HDGFL3: variants seen among roughly 807,000 people sequenced by gnomAD.
HDGFL3 encodes HDGF like 3.
In HDGFL3, 6 loss-of-function variants were observed where a neutral mutation model predicts 27.6. That is an observed-to-expected ratio of 0.22 (90% confidence interval 0.12 to 0.43). The LOEUF is 0.43. HDGFL3 is among the 20% of genes least tolerant of loss of function. The probability of loss-of-function intolerance (pLI) is 1.00; values close to 1 mark genes in which losing one functional copy is unlikely to be tolerated. For synonymous variants in HDGFL3, 88 were observed against 88.9 expected (o/e 0.99, Z 0.05); for missense variants, 207 against 250.1 (o/e 0.83, Z 1.16).
In HDGFL3 at chr15:83,169,414, C is replaced by CAAAAAAAA. The variant is rs58159581; in HGVS notation, c.85-5347_85-5340dup. ...TGGGCGACAGAGCGAGACTCCGTCT[C>CAAAAAAAA]AAAAAAAAAAAAAAAAAAAAAAAAA... is the stretch of plus-strand genomic sequence containing the variant. On this transcript the variant is annotated intron_variant, in intron 1 of 5. Transcript: ENST00000299633. Among the ~76,000 whole-genome samples the CAAAAAAAA allele has an allele frequency of 6.5e-3, 231 of 35,594 alleles. 5 individuals carry two copies. Among genetic ancestry groups the CAAAAAAAA allele is most frequent in the South Asian group, 0.013 (6 of 446 alleles). 23.4% of individuals were successfully genotyped at this position (35,594 alleles called of 152,430 possible). A position where few individuals can be genotyped will look rare whatever the true frequency, so the allele number is the denominator to read the frequency against.
At chr15:83,197,801 C>T (rs1335435752) in intron 1 of HDGFL3, among the ~76,000 whole-genome samples, 1 of 152,044 alleles carries the variant, frequency 6.6e-6, no homozygotes, top group African/African-American at 2.4e-5. Context: ...CACGGTGGCT[C>T]ACGCCTGTAA....
intron 1 of HDGFL3, among the ~76,000 whole-genome samples, chr15:83,197,465 C>G (rs549700945): frequency 8.5e-5 from 13 of 152,294 alleles, no homozygotes; most frequent in Non-Finnish European, 1.5e-4. Flanking sequence ...CTATATCTCA[C>G]AGTAGCAAGG....
chr15:83,160,556 A>C lies in HDGFL3; in HGVS notation c.162-2515T>G, dbSNP rs564774224. ...CGAAATGGAAATATTTTGGGGGGGG[A>C]ACAATATTTGGGGGCAAAAAACTCA... is the stretch of plus-strand genomic sequence containing the variant. On this transcript the variant is annotated intron_variant, in intron 2 of 5. Coordinates refer to ENST00000299633, the MANE Select transcript of HDGFL3 (RefSeq NM_016073.4). Among the ~76,000 whole-genome samples the C allele has an allele frequency of 4.1e-4, 56 of 136,908 alleles. 1 individual carries two copies. Among genetic ancestry groups the C allele is most frequent in the Middle Eastern group, 7.4e-3 (2 of 272 alleles). 89.8% of individuals were successfully genotyped at this position (136,908 alleles called of 152,430 possible). A position where few individuals can be genotyped will look rare whatever the true frequency, so the allele number is the denominator to read the frequency against.
intron 1 of HDGFL3, among the ~76,000 whole-genome samples, chr15:83,182,481 C>T (rs2037393078): frequency 6.6e-6 from 1 of 152,110 alleles, no homozygotes. Context: ...CAAGGGAACA[C>T]TACTAATATA....
intron 2 of HDGFL3, among the ~76,000 whole-genome samples, chr15:83,160,960 T>C (rs1328707006): frequency 4.6e-5 from 7 of 152,326 alleles, no homozygotes; most frequent in South Asian, 2.1e-4. Context: ...TTCTACCTCA[T>C]TGAATCCAGA....
chr15:83,182,029 A>G (rs545788922), intron 1 of HDGFL3, among the ~76,000 whole-genome samples: 6 of 152,374 alleles, frequency 3.9e-5, no homozygotes, highest in Non-Finnish European at 7.3e-5. Context: ...GCATATACCT[A>G]TATAACAAAT....
At chr15:83,200,943 T>C (rs1165445354) in intron 1 of HDGFL3, among the ~76,000 whole-genome samples, 7 of 151,774 alleles carry the variant, frequency 4.6e-5, no homozygotes, top group Non-Finnish European at 4.4e-5. Context: ...TAAATTCTTA[T>C]CTAGGTAAAA....
downstream of HDGFL3, among the ~76,000 whole-genome samples, chr15:83,127,165 G>A (rs1352749690): frequency 6.6e-6 from 1 of 151,124 alleles, no homozygotes; most frequent in Non-Finnish European, 1.5e-5. Flanking sequence ...CTGCACTCCA[G>A]CCTGAGTGAC....
At chr15:83,203,225 G>T (rs541962710) in intron 1 of HDGFL3, among the ~76,000 whole-genome samples, 43 of 152,164 alleles carry the variant, frequency 2.8e-4, no homozygotes, top group African/African-American at 1.0e-3. Context: ...GGTAACATAA[G>T]CAGAGTGCTC....
intron 1 of HDGFL3, chr15:83,184,720 A>C (rs1177902509): frequency 6.6e-6 from 1 of 152,166 alleles, no homozygotes; most frequent in Non-Finnish European, 1.5e-5. Flanking sequence ...TCAGGAAACT[A>C]CCCAGGGCAG....
At chr15:83,124,944 A>T (rs2035598183), downstream of HDGFL3, among the ~76,000 whole-genome samples, 1 of 152,198 alleles carries the variant, frequency 6.6e-6, no homozygotes, top group South Asian at 2.1e-4. Context: ...TGCTGCTCCC[A>T]ACCCCAGCCT....
rs1161060669 is a variant in HDGFL3, at chr15:83,140,501, A to G, written c.607-1226T>C. On this transcript the variant is annotated intron_variant, in intron 5 of 5. Transcript: ENST00000299633. Reference sequence around the variant, plus strand: ...AGAAAGTTTTTTTTTTTTTTTTTTGAGACAGAGTCTCGCTCTGTCACCTAG... The same window carrying G: ...AGAAAGTTTTTTTTTTTTTTTTTTGGGACAGAGTCTCGCTCTGTCACCTAG... Among the ~76,000 whole-genome samples the G allele has an allele frequency of 4.0e-4, 22 of 55,650 alleles. No individual in the cohort carries two copies. The East Asian group carries it at 0.011, about 27-fold the overall frequency. The allele number at this position is 55,650 out of a possible 152,430, so 36.5% of individuals were successfully genotyped here.
downstream of HDGFL3, chr15:83,124,784 T>C (rs1297091890): frequency 5.6e-6 from 9 of 1,593,146 alleles, no homozygotes; most frequent in Admixed American, 1.7e-5. Context: ...TTGGTAAGCA[T>C]AACAGATCAT....
chr15:83,176,299 A>G (rs969219161), intron 1 of HDGFL3, among the ~76,000 whole-genome samples: 1 of 152,218 alleles, frequency 6.6e-6, no homozygotes, highest in African/African-American at 2.4e-5. Context: ...TTAAAATAAA[A>G]GCTGTTTTTA....
At chr15:83,178,577 T>C (rs772258152) in intron 1 of HDGFL3, among the ~76,000 whole-genome samples, 118 of 152,182 alleles carry the variant, frequency 7.8e-4, no homozygotes, top group East Asian at 7.7e-4. Context: ...AGTGGGAGGA[T>C]TGCCTGAGCC....
chr15:83,156,553 C>T (rs568222200), intron 4 of HDGFL3, among the ~76,000 whole-genome samples: 1 of 152,244 alleles, frequency 6.6e-6, no homozygotes, highest in Non-Finnish European at 1.5e-5. Flanking sequence ...AAAAATATAT[C>T]TTTTTACAGT....
downstream of HDGFL3, chr15:83,127,380 C>T: frequency 6.2e-7 from 1 of 1,613,814 alleles, no homozygotes. Flanking sequence ...ATGTTCTATT[C>T]TGTTCCTTAC....
rs2037368438 is a variant in HDGFL3, at chr15:83,180,601, A to AAAAT, written c.85-16530_85-16527dup. On this transcript the variant is annotated intron_variant, in intron 1 of 5. Transcript: ENST00000299633. Reference sequence around the variant, plus strand: ...ACAGGAGAAAGGGGAAAGAATTTTAAAAATAAGAGTCTGTTTGGTTTAATA... The same window carrying AAAAT: ...ACAGGAGAAAGGGGAAAGAATTTTAAAAATAAATAAGAGTCTGTTTGGTTTAATA... Among the ~76,000 whole-genome samples, 4 of 152,252 alleles carry AAAAT rather than the reference A, an allele frequency of 2.6e-5. No homozygotes were observed. The South Asian group carries it at 8.3e-4, about 32-fold the overall frequency.
chr15:83,168,722 T>C (rs1242569730), intron 1 of HDGFL3, among the ~76,000 whole-genome samples: 1 of 152,140 alleles, frequency 6.6e-6, no homozygotes, highest in Non-Finnish European at 1.5e-5. Context: ...CTGTACCAAT[T>C]CTATTGAAAC....
Sources: gnomAD v4.1 joint callset for allele counts (sites outside exome capture counted in the v4.1 genomes callset) on GRCh38, gnomAD v4.1.1 for gene constraint, MANE v1.5 for transcripts, NCBI Gene and HGNC (gene_info 2026-07-23, HGNC 2026-07-21) for gene names.